Variants in PCDH17 observed in about 807,000 individuals in gnomAD.
PCDH17 encodes protocadherin-17.
In PCDH17, 21 loss-of-function variants were observed where a neutral mutation model predicts 67.7. The ratio of observed to expected loss-of-function variants is 0.31; its 90% confidence interval spans 0.22 to 0.45. The LOEUF (loss-of-function observed/expected upper bound fraction) is 0.45. Among genes scored for constraint, PCDH17 ranks in the 20% least tolerant of loss-of-function variants. The pLI is 1.00. For synonymous variants in PCDH17, 701 were observed against 656.7 expected (o/e 1.07, Z -1.03); for missense variants, 1,471 against 1,564.8 (o/e 0.94, Z 1.01).
rs761608989 is a variant in PCDH17, at chr13:57,632,667, G to T, written c.121G>T (p.Asp41Tyr). 1.9e-6 allele frequency: 3 copies of T among 1,612,078 alleles called. No homozygotes were observed. In the Admixed American group the frequency reaches 5.0e-5, roughly 27 times the overall value. The change falls in exon 1 of 4, where the codon GAT (aspartate) becomes TAT (tyrosine). Residue 41 changes from aspartate (D) to tyrosine (Y), a missense_variant. Transcript: ENST00000377918. ...CACGGTGATCGGGAACATCGGCAGG[G>T]ATGCTCGACTGCAGCCTGGGCTTCC... is the stretch of plus-strand genomic sequence containing the variant. ...AGTVIGNIGR[D>Y]ARLQPGLPPA... is the part of the protein sequence containing the mutation.
intron 1 of PCDH17, among the ~76,000 whole-genome samples, chr13:57,638,172 A>G (rs531564035): frequency 3.9e-5 from 6 of 152,120 alleles, no homozygotes; most frequent in Non-Finnish European, 8.8e-5. Context: ...ACATAAGGCA[A>G]ATAGATTGTT....
At chr13:57,698,204 AAT>A (rs1349963626) in intron 3 of PCDH17, among the ~76,000 whole-genome samples, 1 of 151,524 alleles carries the variant, frequency 6.6e-6, no homozygotes, top group Non-Finnish European at 1.5e-5. Context: ...ATATGAAGAT[AAT>A]ATATAGAGAA....
At position 57,724,885 on chromosome 13, in the gene PCDH17, C is replaced by T. The variant is rs775307983; in HGVS notation, c.3071C>T (p.Ala1024Val). Residue 1024 changes from alanine to valine, a missense_variant, in exon 4 of 4, where the codon GCC becomes GTC. Transcript: ENST00000377918. ...AAACCTTATTTAAAAGCCAAACGTG[C>T]CCTGAGCCCTCTCCTCCAAGAGGTC... The part of the protein sequence containing the change: ...NVKPYLKAKR[A>V]LSPLLQEVPS... 2 of 1,614,170 alleles carry T rather than the reference C, an allele frequency of 1.2e-6. No individual in the cohort carries two copies. The highest frequency in any genetic ancestry group is 3.3e-5 in the Admixed American group (2 of 60,020).
chr13:57,699,603 G>A (rs61961906), intron 3 of PCDH17, among the ~76,000 whole-genome samples: 9,626 of 151,306 alleles, frequency 0.064, 340 homozygotes, highest in Middle Eastern at 0.099. Flanking sequence ...TTTACAAGGC[G>A]TGTTTTTATT....
At chr13:57,714,628 T>G (rs1955802798) in intron 3 of PCDH17, among the ~76,000 whole-genome samples, 1 of 151,802 alleles carries the variant, frequency 6.6e-6, no homozygotes, top group South Asian at 2.1e-4. Flanking sequence ...AATTTGTCCT[T>G]GTAAGCCAAA....
Position 57,633,798 on chromosome 13 carries a change from TACG to T in PCDH17, c.1255_1257del (p.Asp419del), listed in dbSNP as rs779804679. The T allele has an allele frequency of 2.5e-6, 4 of 1,609,124 alleles. No homozygotes were observed. Among genetic ancestry groups the T allele is most frequent in the Non-Finnish European group, 2.5e-6 (3 of 1,179,448 alleles). ...CGTCCCCTTCAAGCTTGAGGAGAAC[TACG>T]ACAACTTCTACACGGTGGTGACTGA... On this transcript the variant is annotated inframe_deletion, in exon 1 of 4. Transcript: ENST00000377918. This position sits in a 1 kb window ranked among gnomAD's most constrained non-coding sequence, Gnocchi z 6.2.
chr13:57,635,175 C>CT, intron 1 of PCDH17, 64 bp downstream of exon 1: 5 of 1,544,194 alleles, frequency 3.2e-6, no homozygotes, highest in Non-Finnish European at 3.5e-6. Flanking sequence ...GTCCTGAAAC[C>CT]TTTGGAACAG....
At chr13:57,645,598 T>G (rs1269629650) in intron 1 of PCDH17, among the ~76,000 whole-genome samples, 1 of 151,554 alleles carries the variant, frequency 6.6e-6, no homozygotes, top group Non-Finnish European at 1.5e-5. Context: ...ATTTTATTAA[T>G]AATATTACAA....
At chr13:57,690,233 G>T (rs996782152) in intron 3 of PCDH17, among the ~76,000 whole-genome samples, 1 of 151,350 alleles carries the variant, frequency 6.6e-6, no homozygotes, top group Non-Finnish European at 1.5e-5. Context: ...ATTCATGCTG[G>T]GTTTTTACTG....
At chr13:57,637,147 C>CT (rs945161744) in intron 1 of PCDH17, among the ~76,000 whole-genome samples, 2 of 152,002 alleles carry the variant, frequency 1.3e-5, no homozygotes, top group East Asian at 1.9e-4. Flanking sequence ...AAAGAGAAAA[C>CT]TTTTTTTAAC....
intron 1 of PCDH17, among the ~76,000 whole-genome samples, chr13:57,642,698 A>G (rs1032231083): frequency 6.6e-6 from 1 of 151,554 alleles, no homozygotes; most frequent in Non-Finnish European, 1.5e-5. Context: ...TAAAATTTTC[A>G]TGGTCTCCAA....
chr13:57,716,373 T>A (rs1021129689), intron 3 of PCDH17, among the ~76,000 whole-genome samples: 1 of 152,024 alleles, frequency 6.6e-6, no homozygotes, highest in Admixed American at 6.6e-5. Context: ...CATTGTTATG[T>A]CAAGTGTTGC....
chr13:57,639,816 A>G (rs920157034), intron 1 of PCDH17, among the ~76,000 whole-genome samples: 2 of 152,078 alleles, frequency 1.3e-5, no homozygotes, highest in South Asian at 2.1e-4. Flanking sequence ...AAAGATCGGC[A>G]TAGAAAAGTA....
chr13:57,670,017 C>T (rs1955300548), intron 3 of PCDH17, among the ~76,000 whole-genome samples: 1 of 151,984 alleles, frequency 6.6e-6, no homozygotes, highest in Non-Finnish European at 1.5e-5. Flanking sequence ...CTGTTACTCT[C>T]ACATTCAGTA....
intron 3 of PCDH17, among the ~76,000 whole-genome samples, chr13:57,706,390 A>G (rs776317122): frequency 3.9e-5 from 6 of 152,064 alleles, no homozygotes; most frequent in Non-Finnish European, 7.4e-5. Flanking sequence ...AATTTACTCC[A>G]TTGTCATTAT....
intron 1 of PCDH17, among the ~76,000 whole-genome samples, chr13:57,655,613 A>G (rs1433989661): frequency 6.6e-6 from 1 of 152,078 alleles, no homozygotes; most frequent in Non-Finnish European, 1.5e-5. Context: ...ATGGTAAGTA[A>G]TCATATGATT....
rs970907028 is a variant in PCDH17, at chr13:57,665,836, G to C, written c.2566-632G>C. ...TTTTTTTCTCTCTTATTTTTGTTTT[G>C]CTTTGTTTTTAATAACTAGGAAGTA... is the stretch of plus-strand genomic sequence containing the variant. On this transcript the variant is annotated intron_variant, in intron 1 of 3. Coordinates refer to ENST00000377918, the MANE Select transcript of PCDH17 (RefSeq NM_001040429.3). Among the ~76,000 whole-genome samples the C allele has an allele frequency of 2.0e-5, 3 of 151,900 alleles. No individual in the cohort carries two copies. The East Asian group carries it at 5.8e-4, about 29-fold the overall frequency.
chr13:57,696,232 A>G (rs1352340172), intron 3 of PCDH17, among the ~76,000 whole-genome samples: 1 of 151,494 alleles, frequency 6.6e-6, no homozygotes, highest in Admixed American at 6.6e-5. Flanking sequence ...ACATTTGATG[A>G]AAATACTGGC....
intron 3 of PCDH17, among the ~76,000 whole-genome samples, chr13:57,682,469 C>A (rs2138049882): frequency 6.6e-6 from 1 of 151,896 alleles, no homozygotes. Flanking sequence ...AATTACAATG[C>A]ACAACACTTC....
Sources: allele counts gnomAD v4.1 joint callset (sites outside exome capture counted in the v4.1 genomes callset), GRCh38; gene constraint gnomAD v4.1.1; non-coding constraint Gnocchi (gnomAD v3.1); transcripts MANE v1.5; gene names NCBI Gene and HGNC (gene_info 2026-07-23, HGNC 2026-07-21).